CWC25: variants seen among roughly 807,000 people sequenced by gnomAD.
CWC25 encodes the protein CWC25 spliceosome associated protein.
Under a neutral mutation model 54.6 loss-of-function variants are expected in CWC25, and 31 were observed. The observed-to-expected ratio is 0.57, with a 90% CI of 0.43 to 0.77. The LOEUF is 0.77. CWC25 is among the 30% of genes least tolerant of loss of function. The pLI, the probability that CWC25 is intolerant of heterozygous loss-of-function variation, is 0.00. For synonymous variants in CWC25, 151 were observed against 187.0 expected (o/e 0.81, Z 1.57); for missense variants, 453 against 529.3 (o/e 0.86, Z 1.41).
At chr17:38,819,538 T>C (rs887283978) in intron 2 of CWC25, among the ~76,000 whole-genome samples, 8 of 151,596 alleles carry the variant, frequency 5.3e-5, no homozygotes, top group Non-Finnish European at 3.0e-5. Context: ...AGTTAATTTT[T>C]TTTTTTTTTT....
At position 38,806,389 on chromosome 17, in the gene CWC25, G is replaced by A. The variant is rs1598068456; in HGVS notation, c.909C>T (p.Asn303=). The A allele has an allele frequency of 2.5e-6, 4 of 1,613,396 alleles. No homozygotes were observed. Among genetic ancestry groups the A allele is most frequent in the South Asian group, 2.2e-5 (2 of 90,888 alleles). The change falls in exon 8 of 10, where the codon AAC becomes AAT. Residue 303 remains asparagine, a synonymous_variant. Transcript: ENST00000614790. ...SRSPRPSKLH[N]SKVNRRETGQ... ...CTGTCTCTCTCCTGTTCACCTTAGAGTTGTGCCTGTAGCAGACACAGAAGG... is the reference window on the plus strand; with the variant it reads ...CTGTCTCTCTCCTGTTCACCTTAGAATTGTGCCTGTAGCAGACACAGAAGG...
intron 8 of CWC25, among the ~76,000 whole-genome samples, chr17:38,805,869 G>A (rs539985179): frequency 1.3e-5 from 2 of 151,802 alleles, no homozygotes; most frequent in Non-Finnish European, 2.9e-5. Flanking sequence ...CTGCTGTGCA[G>A]TGGTGAGATC....
rs1911013548 is a variant in CWC25, at chr17:38,801,300, C to T, written c.*792G>A. 1 of 152,156 alleles carries T rather than the reference C, an allele frequency of 6.6e-6. No homozygotes were observed. Among genetic ancestry groups the T allele is most frequent in the African/African-American group, 2.4e-5 (1 of 41,432 alleles). The allele number at this position is 152,156 out of a possible 1,614,324, so 9.4% of individuals were successfully genotyped here. Reference sequence around the variant, plus strand: ...ACCTTTACACTGCCTACATTGGAGACTGCAAGCAGTGGAAAAGAATAGATA... The same window carrying T: ...ACCTTTACACTGCCTACATTGGAGATTGCAAGCAGTGGAAAAGAATAGATA... On this transcript the variant is annotated 3_prime_UTR_variant, in exon 10 of 10. Coordinates refer to ENST00000614790, the MANE Select transcript of CWC25 (RefSeq NM_017748.5).
Position 38,825,248 on chromosome 17 carries a change from A to C in CWC25, c.-65T>G, listed in dbSNP as rs1328184958. ...TTTCGGGAGGATCAAGAGAAAACGT[A>C]GAGAAATAGTTCGGGGGCTACCTCG... On this transcript the variant is annotated 5_prime_UTR_variant, in exon 1 of 10. Transcript: ENST00000614790. The C allele has an allele frequency of 2.9e-5, 45 of 1,528,438 alleles. No homozygotes were observed. The highest frequency in any genetic ancestry group is 3.9e-5 in the Non-Finnish European group (44 of 1,131,152). The allele number at this position is 1,528,438 out of a possible 1,614,324, so 94.7% of individuals were successfully genotyped here. A position where few individuals can be genotyped will look rare whatever the true frequency, so the allele number is the denominator to read the frequency against.
At position 38,810,339 on chromosome 17, in the gene CWC25, C is replaced by G. The variant is rs373642672; in HGVS notation, c.626+129G>C. ...GCTCTGTGGGCACTGGGCCCATGTTCAAGTGTTCATCACTGAATGCCCAGT... is the reference window on the plus strand; with the variant it reads ...GCTCTGTGGGCACTGGGCCCATGTTGAAGTGTTCATCACTGAATGCCCAGT... On this transcript the variant is annotated intron_variant, in intron 5 of 9. Transcript: ENST00000614790. 22 of 970,114 alleles carry G rather than the reference C, an allele frequency of 2.3e-5. No individual in the cohort carries two copies. The East Asian group carries it at 2.5e-4, about 11-fold the overall frequency. The allele number at this position is 970,114 out of a possible 1,614,324, so 60.1% of individuals were successfully genotyped here. A position where few individuals can be genotyped will look rare whatever the true frequency, so the allele number is the denominator to read the frequency against.
At chr17:38,820,559 C>T (rs1911881414) in intron 2 of CWC25, among the ~76,000 whole-genome samples, 1 of 152,196 alleles carries the variant, frequency 6.6e-6, no homozygotes, top group Non-Finnish European at 1.5e-5. Context: ...TCAACATATG[C>T]TGAGAAGCAG....
At chr17:38,814,410 A>G (rs1464242578) in intron 3 of CWC25, among the ~76,000 whole-genome samples, 1 of 150,606 alleles carries the variant, frequency 6.6e-6, no homozygotes, top group African/African-American at 2.4e-5. Context: ...CCTCCCAAAT[A>G]GCTGGGACTA....
In CWC25 at chr17:38,810,521, G is replaced by A. The variant is rs775288068; in HGVS notation, c.573C>T (p.His191=). The change falls in exon 5 of 10, where the codon CAC becomes CAT. Residue 191 remains histidine, a synonymous_variant. Transcript: ENST00000614790. ...EKKKKHKKHK[H]RSSSSDRSSS... ...TGGAACGATCACTACTCGAGCTTCT[G>A]TGCTTATGTTTCTTGTGCTTCTTTT... 6.0e-5 allele frequency: 97 copies of A among 1,606,316 alleles called. No homozygotes were observed. The highest frequency in any genetic ancestry group is 7.2e-5 in the Non-Finnish European group (85 of 1,176,520).
chr17:38,802,843 T>A lies in CWC25; in HGVS notation c.1020A>T (p.Glu340Asp), dbSNP rs1451679007. 1.7e-5 allele frequency: 28 copies of A among 1,613,870 alleles called. No homozygotes were observed. The highest frequency in any genetic ancestry group is 2.4e-5 in the Non-Finnish European group (28 of 1,179,900). The change falls in exon 9 of 10, where the codon GAA (glutamate) becomes GAT (aspartate). Residue 340 changes from glutamate (E) to aspartate (D), a missense_variant. This residue lies in a region of CWC25 where 444 missense variants were observed against 499.2 expected (regional missense o/e 0.89). Transcript: ENST00000614790. ...TCATCTCTTGCCGTTTTCGCTCTAA[T>A]TCCTCTGCAGAGAGTTTTCTGTTGA... Reference protein sequence around the residue: ...PGYTRKLSAEELERKRQEMME... With the variant: ...PGYTRKLSAEDLERKRQEMME...
At chr17:38,805,374 A>T (rs1373715163) in intron 8 of CWC25, among the ~76,000 whole-genome samples, 6 of 152,226 alleles carry the variant, frequency 3.9e-5, no homozygotes, top group African/African-American at 1.2e-4. Flanking sequence ...TGTAGCTATG[A>T]AAAGAAACTA....
chr17:38,822,982 C>T (rs1426108253), intron 1 of CWC25, among the ~76,000 whole-genome samples: 2 of 150,732 alleles, frequency 1.3e-5, no homozygotes, highest in African/African-American at 4.9e-5. Context: ...GGACTACAGA[C>T]ATCCGCCACC....
intron 2 of CWC25, among the ~76,000 whole-genome samples, chr17:38,819,014 C>CATATTTAT (rs1555548929): frequency 6.7e-6 from 1 of 150,150 alleles, no homozygotes; most frequent in Non-Finnish European, 1.5e-5. Flanking sequence ...TCAATTTTTA[C>CATATTTAT]TTATTTATTT....
In CWC25 at chr17:38,809,770, G is replaced by C. The variant is rs187390959; in HGVS notation, c.627-5C>G. The C allele has an allele frequency of 6.2e-7, 1 of 1,613,328 alleles. No homozygotes were observed. The highest frequency in any genetic ancestry group is 1.3e-5 in the African/African-American group (1 of 75,006). Reference sequence around the variant, plus strand: ...TTTGCCATCTTCTTCTGTGATCTAAGAGATCAAAATACACACACTCATTGA... The same window carrying C: ...TTTGCCATCTTCTTCTGTGATCTAACAGATCAAAATACACACACTCATTGA... On this transcript the variant is annotated splice_region_variant and splice_polypyrimidine_tract_variant and intron_variant, in intron 5 of 9. Transcript: ENST00000614790.
At chr17:38,815,788 G>A (rs1911673055) in intron 2 of CWC25, 1 of 786,156 alleles carries the variant, frequency 1.3e-6, no homozygotes, top group Non-Finnish European at 1.8e-6. Flanking sequence ...TTACCATCAA[G>A]AACAATTTCA....
chr17:38,802,921 C>T, intron 8 of CWC25, 60 bp from the exon 9 acceptor site: 1 of 1,599,908 alleles, frequency 6.3e-7, no homozygotes, highest in South Asian at 1.1e-5. Flanking sequence ...AGAAGCAGCA[C>T]AAGAAGCACA....
At chr17:38,810,774 T>C (rs1156777666) in intron 4 of CWC25, among the ~76,000 whole-genome samples, 179 bp from the exon 5 acceptor site, 1 of 151,380 alleles carries the variant, frequency 6.6e-6, no homozygotes, top group Non-Finnish European at 1.5e-5. Context: ...AATACAAAAA[T>C]CAGCTGGGTG....
chr17:38,818,410 G>T (rs1287112966), intron 2 of CWC25, among the ~76,000 whole-genome samples: 2 of 151,262 alleles, frequency 1.3e-5, no homozygotes, highest in Non-Finnish European at 2.9e-5. Flanking sequence ...GGCTAACACA[G>T]TGAAACCCCG....
intron 8 of CWC25, among the ~76,000 whole-genome samples, chr17:38,803,126 C>T (rs930884233): frequency 2.0e-5 from 3 of 152,160 alleles, no homozygotes; most frequent in African/African-American, 7.2e-5. Flanking sequence ...AAATTGGGAA[C>T]TCATCAGGAA....
At chr17:38,816,874 C>A (rs558538569) in intron 2 of CWC25, among the ~76,000 whole-genome samples, 1 of 151,076 alleles carries the variant, frequency 6.6e-6, no homozygotes, top group Non-Finnish European at 1.5e-5. Context: ...TTAGTAAAGA[C>A]GAGGTTTCAC....
Sources: gnomAD v4.1 joint callset for allele counts (sites outside exome capture counted in the v4.1 genomes callset) on GRCh38, gnomAD v4.1.1 for gene constraint, gnomAD v4.1.1 regional missense constraint, MANE v1.5 for transcripts, NCBI Gene and HGNC (gene_info 2026-07-23, HGNC 2026-07-21) for gene names.